FAHD1: variants seen among roughly 807,000 people sequenced by gnomAD.
The protein encoded by FAHD1 is oxaloacetate tautomerase FAHD1, mitochondrial.
Under a neutral mutation model 12.7 loss-of-function variants are expected in FAHD1, and 14 were observed. That is an observed-to-expected ratio of 1.10 (90% CI 0.73 to 1.72). The LOEUF is 1.72. Ranked by LOEUF, FAHD1 falls within the 40% of genes most tolerant of loss-of-function variation. The probability of loss-of-function intolerance (pLI) is 0.00; values close to 1 mark genes in which losing one functional copy is unlikely to be tolerated. For missense variants in FAHD1, 351 were observed against 298.9 expected, an observed-to-expected ratio of 1.17 and a Z score of -1.29; for synonymous variants, 153 against 124.9, an observed-to-expected ratio of 1.22 and a Z score of -1.50.
intron 1 of FAHD1, among the ~76,000 whole-genome samples, chr16:1,836,571 A>C (rs1898754869): frequency 6.8e-6 from 1 of 147,550 alleles, no homozygotes; most frequent in African/African-American, 2.4e-5. Flanking sequence ...TTGGCCTGGT[A>C]GTGAAGAGGC....
downstream of FAHD1, among the ~76,000 whole-genome samples, chr16:1,830,941 CACA>C (rs1567269173): frequency 9.1e-4 from 115 of 126,368 alleles, 1 homozygote; most frequent in African/African-American, 2.1e-3. Context: ...CACACACACA[CACA>C]CCCATATTTT....
chr16:1,831,445 C>T (rs66649019), downstream of FAHD1, among the ~76,000 whole-genome samples: 27,059 of 152,102 alleles, frequency 0.18, 2,570 homozygotes, highest in South Asian at 0.27. Flanking sequence ...AGCTCTGGAG[C>T]GAGGAGTCTG....
At position 1,828,033 on chromosome 16, in the gene FAHD1, G is replaced by T. The variant is rs552738254; in HGVS notation, c.*129G>T. The T allele has an allele frequency of 6.8e-6, 10 of 1,463,024 alleles. No homozygotes were observed. The East Asian group carries it at 2.5e-4, about 36-fold the overall frequency. 90.6% of individuals were successfully genotyped at this position (1,463,024 alleles called of 1,614,324 possible). A position where few individuals can be genotyped will look rare whatever the true frequency, so the allele number is the denominator to read the frequency against. ...GCGGTGGCTCACGCCTGTAATCGCA[G>T]CACTTTGGGAGGCCGAGGCGGGCGG... On this transcript the variant is annotated 3_prime_UTR_variant, in exon 1 of 1. Coordinates refer to ENST00000427358, the Ensembl canonical transcript of FAHD1.
chr16:1,833,554 C>CTTTTTTT (rs769668788), downstream of FAHD1, among the ~76,000 whole-genome samples: 6 of 114,288 alleles, frequency 5.2e-5, no homozygotes, highest in Non-Finnish European at 8.7e-5. Context: ...TTTAGAGGTA[C>CTTTTTTT]TTTTTTTTTT....
downstream of FAHD1, among the ~76,000 whole-genome samples, chr16:1,833,554 C>CTTTTTT (rs769668788): frequency 5.7e-4 from 65 of 114,286 alleles, 1 homozygote; most frequent in East Asian, 6.6e-3. Flanking sequence ...TTTAGAGGTA[C>CTTTTTT]TTTTTTTTTT....
chr16:1,828,629 A>G (rs1484562153), exon 1 of FAHD1: 2 of 990,204 alleles, frequency 2.0e-6, no homozygotes, highest in African/African-American at 3.5e-5. Context: ...TGTAAAAATA[A>G]AAATCTCCAC....
At chr16:1,834,100 G>C (rs1898674645) in intron 1 of FAHD1, 1 of 559,858 alleles carries the variant, frequency 1.8e-6, no homozygotes, top group South Asian at 2.4e-5. Context: ...GAGGCCTTCA[G>C]ACTCACCCAG....
At chr16:1,836,504 T>A (rs1169775734) in intron 1 of FAHD1, among the ~76,000 whole-genome samples, 2 of 147,300 alleles carry the variant, frequency 1.4e-5, no homozygotes, top group African/African-American at 2.4e-5. Flanking sequence ...AGACAGTATT[T>A]AGGGGCCCAT....
chr16:1,828,317 T>C (rs894153657), exon 1 of FAHD1: 84 of 1,005,092 alleles, frequency 8.4e-5, no homozygotes, highest in Non-Finnish European at 9.8e-5. Context: ...TTAAAAATGA[T>C]TAGATTGCTA....
chr16:1,827,543 C>T (rs765976075), exon 1 of FAHD1: 1 of 1,613,290 alleles, frequency 6.2e-7, no homozygotes, highest in South Asian at 1.1e-5. Context: ...GATATGACCG[C>T]CCGGGACGTG....
exon 1 of FAHD1, chr16:1,828,281 A>AG: frequency 1.0e-6 from 1 of 1,000,834 alleles, no homozygotes; most frequent in Non-Finnish European, 1.2e-6. Context: ...TCTCAAAAAA[A>AG]AAAAAAAAAA....
At chr16:1,839,586 G>A (rs1898845482) in exon 3 of FAHD1, 8 of 634,308 alleles carry the variant, frequency 1.3e-5, no homozygotes, top group Non-Finnish European at 1.3e-5. Flanking sequence ...CAAGACAGTC[G>A]TAAAAAACAG....
exon 1 of FAHD1, chr16:1,828,318 T>C: frequency 4.0e-6 from 4 of 1,006,586 alleles, no homozygotes; most frequent in Non-Finnish European, 4.8e-6. Flanking sequence ...TAAAAATGAT[T>C]AGATTGCTAT....
downstream of FAHD1, among the ~76,000 whole-genome samples, chr16:1,833,320 A>T (rs116846203): frequency 1.4e-3 from 216 of 152,258 alleles, 1 homozygote; most frequent in East Asian, 0.011. Context: ...CAGTTGATTC[A>T]GACTCAGTCA....
At chr16:1,828,304 A>G (rs909328100) in exon 1 of FAHD1, 1 of 962,034 alleles carries the variant, frequency 1.0e-6, no homozygotes, top group African/African-American at 1.8e-5. Context: ...GAAACCATTT[A>G]TTTTAAAAAT....
chr16:1,832,450 C>T (rs1000418949), downstream of FAHD1, among the ~76,000 whole-genome samples: 4 of 149,060 alleles, frequency 2.7e-5, no homozygotes, highest in Non-Finnish European at 4.5e-5. Flanking sequence ...GGATTACAGG[C>T]GTGAGCCACC....
At chr16:1,835,392 AAT>A (rs1209806019) in intron 1 of FAHD1, among the ~76,000 whole-genome samples, 1 of 152,190 alleles carries the variant, frequency 6.6e-6, no homozygotes, top group Non-Finnish European at 1.5e-5. Context: ...ATAATTTAAT[AAT>A]AGTCTTATTT....
At chr16:1,830,473 T>C (rs142765679), downstream of FAHD1, among the ~76,000 whole-genome samples, 2 of 152,318 alleles carry the variant, frequency 1.3e-5, no homozygotes, top group East Asian at 3.9e-4. Context: ...TGACAGACTA[T>C]TAAAGTCAAA....
At chr16:1,830,944 A>ACACC (rs57025691), downstream of FAHD1, among the ~76,000 whole-genome samples, 332 of 146,956 alleles carry the variant, frequency 2.3e-3, 2 homozygotes, top group Non-Finnish European at 3.5e-3. Context: ...ACACACACAC[A>ACACC]CCCATATTTT....
Sources: gnomAD v4.1 joint callset for allele counts (sites outside exome capture counted in the v4.1 genomes callset) on GRCh38, gnomAD v4.1.1 for gene constraint, MANE v1.5 for transcripts, NCBI Gene and HGNC (gene_info 2026-07-23, HGNC 2026-07-21) for gene names.